Variants in ZNF469 observed in about 807,000 individuals in gnomAD.
ZNF469 encodes zinc finger protein 469.
In ZNF469, 1 loss-of-function variant was observed where a neutral mutation model predicts 1.0. That is an observed-to-expected ratio of 1.00 (90% confidence interval 0.35 to 4.73). The LOEUF (loss-of-function observed/expected upper bound fraction) is 4.73, where lower values mean the gene tolerates loss of function less well. ZNF469 is among the 30% of genes most tolerant of loss of function. ZNF469 has a pLI of 0.16. For missense variants in ZNF469, 6,100 were observed against 5,356.3 expected (o/e 1.14, Z -4.33); for synonymous variants, 2,703 against 2,363.4 (o/e 1.14, Z -4.17).
chr16:88,160,663 G>T, the ZNF469 span, among the ~76,000 whole-genome samples: 2 of 152,256 alleles, frequency 1.3e-5, no homozygotes, highest in Admixed American at 1.3e-4. Context: ...AAGGGGTTGG[G>T]GCACCACTGT....
Position 88,431,033 on chromosome 16 carries a change from G to A in ZNF469, c.3563G>A (p.Gly1188Asp). ...ACGGGAGCGGCCGCCAGGGAGGGAGGCCCCAAGTGTGCTGATCGCCCCTCA... is the reference window on the plus strand; with the variant it reads ...ACGGGAGCGGCCGCCAGGGAGGGAGACCCCAAGTGTGCTGATCGCCCCTCA... Reference protein sequence around the residue: ...LETGAAAREGGPKCADRPSVA... With the variant: ...LETGAAAREGDPKCADRPSVA... Residue 1188 changes from glycine (G) to aspartate (D), a missense_variant, in exon 3 of 3, where the codon GGC (glycine) becomes GAC (aspartate). Gly to Asp is a moderately conservative substitution (Grantham distance 94). Coordinates refer to ENST00000565624, the MANE Select transcript of ZNF469 (RefSeq NM_001367624.2). 6.5e-7 allele frequency: 1 copy of A among 1,546,454 alleles called. No individual in the cohort carries two copies. Among genetic ancestry groups the A allele is most frequent in the Non-Finnish European group, 8.7e-7 (1 of 1,146,680 alleles).
intron 1 of ZNF469, among the ~76,000 whole-genome samples, chr16:88,415,875 A>G (rs7198183): frequency 1.6e-4 from 24 of 152,330 alleles, no homozygotes; most frequent in African/African-American, 4.8e-4. Context: ...CGGTGCTCAT[A>G]GTGTCCTTCC....
the ZNF469 span, among the ~76,000 whole-genome samples, chr16:88,365,890 C>T: frequency 3.3e-5 from 5 of 152,196 alleles, no homozygotes; most frequent in African/African-American, 1.2e-4. Context: ...AGATTGAGTT[C>T]TGCCTCCTCA....
chr16:88,369,046 T>C, the ZNF469 span, among the ~76,000 whole-genome samples: 2 of 150,830 alleles, frequency 1.3e-5, no homozygotes, highest in African/African-American at 4.9e-5. Context: ...ACCACTGCAC[T>C]ACATTCTGGG....
chr16:88,111,718 C>G, the ZNF469 span, among the ~76,000 whole-genome samples: 3 of 152,170 alleles, frequency 2.0e-5, no homozygotes, highest in Non-Finnish European at 4.4e-5. Flanking sequence ...CTCACTGCAA[C>G]CTCCGACTCC....
the ZNF469 span, among the ~76,000 whole-genome samples, chr16:88,153,295 G>A: frequency 1.3e-5 from 2 of 152,296 alleles, no homozygotes; most frequent in Non-Finnish European, 2.9e-5. Flanking sequence ...GGTGGTGCTG[G>A]GCTCCACACT....
chr16:88,228,411 C>G, the ZNF469 span, among the ~76,000 whole-genome samples: 2 of 152,214 alleles, frequency 1.3e-5, no homozygotes, highest in African/African-American at 4.8e-5. Context: ...GCACCTGCCC[C>G]GCAGGACTAC....
the ZNF469 span, among the ~76,000 whole-genome samples, chr16:88,110,362 C>T: frequency 6.6e-6 from 1 of 152,274 alleles, no homozygotes; most frequent in East Asian, 1.9e-4. Context: ...TGCTCCCGCT[C>T]ACGCCGGACT....
At chr16:88,221,541 C>G in the ZNF469 span, among the ~76,000 whole-genome samples, 2 of 152,160 alleles carry the variant, frequency 1.3e-5, no homozygotes, top group African/African-American at 4.8e-5. Flanking sequence ...CAGACTGTGC[C>G]GGAGAAGGGG....
At chr16:88,226,977 G>A in the ZNF469 span, among the ~76,000 whole-genome samples, 32,219 of 96,618 alleles carry the variant, frequency 0.33, 8,048 homozygotes, top group East Asian at 0.57. Context: ...CCTCCTCCGC[G>A]CCGGGGCCTG....
the ZNF469 span, among the ~76,000 whole-genome samples, chr16:88,366,172 A>AT: frequency 8.6e-4 from 122 of 142,482 alleles, 22 homozygotes; most frequent in South Asian, 7.0e-4. Context: ...CATCATCACC[A>AT]CGATCATCAT....
chr16:88,405,355 C>T (rs954966879), intron 1 of ZNF469, among the ~76,000 whole-genome samples: 1 of 152,190 alleles, frequency 6.6e-6, no homozygotes, highest in African/African-American at 2.4e-5. Context: ...CGAGAATATC[C>T]AAGCTTCTGT....
upstream of ZNF469, among the ~76,000 whole-genome samples, chr16:88,380,143 TCA>T (rs34963271): frequency 7.8e-4 from 37 of 47,188 alleles, 1 homozygote; most frequent in African/African-American, 0.01. Flanking sequence ...AGACACACAC[TCA>T]CACACAAATG....
the ZNF469 span, among the ~76,000 whole-genome samples, chr16:88,216,873 TTTCCA>T: frequency 2.0e-5 from 3 of 152,112 alleles, no homozygotes; most frequent in Admixed American, 6.5e-5. Flanking sequence ...ATTAAACTGT[TTTCCA>T]GTTTACCAAG....
At chr16:88,425,520 G>A (rs1905662031) in intron 2 of ZNF469, among the ~76,000 whole-genome samples, 1 of 152,144 alleles carries the variant, frequency 6.6e-6, no homozygotes, top group South Asian at 2.1e-4. Flanking sequence ...AGCCCTCCCA[G>A]GAGGACCTCG....
chr16:88,142,232 G>A, the ZNF469 span, among the ~76,000 whole-genome samples: 1 of 152,226 alleles, frequency 6.6e-6, no homozygotes, highest in African/African-American at 2.4e-5. Flanking sequence ...ACCCGGCTGG[G>A]CGGGGGGTCT....
At position 88,428,217 on chromosome 16, in the gene ZNF469, G is replaced by A. The variant is rs763365403; in HGVS notation, c.747G>A (p.Gly249=). 3.2e-6 allele frequency: 5 copies of A among 1,550,292 alleles called. No homozygotes were observed. The South Asian group carries it at 5.9e-5, about 18-fold the overall frequency. The change falls in exon 3 of 3, where the codon GGG becomes GGA. Residue 249 remains glycine, a synonymous_variant. Transcript: ENST00000565624. ...ATAGCTTCCCAGGTGCTAATTTCGG[G>A]GTTCCCCCCGCCGAGCCGGAACCTA... ...AENSFPGANF[G]VPPAEPEPIP...
In ZNF469 at chr16:88,428,120, G is replaced by GCCCCC; in HGVS notation, c.651_655dup (p.Leu219ProfsTer129). 1 of 1,549,718 alleles carries GCCCCC rather than the reference G, an allele frequency of 6.5e-7. No homozygotes were observed. Among genetic ancestry groups the GCCCCC allele is most frequent in the Non-Finnish European group, 8.7e-7 (1 of 1,146,644 alleles). The stretch of plus-strand genomic sequence containing the variant: ...GGGCCCCCCCAGAGCAGGGGCACCA[G>GCCCCC]CCCCCTCCAGCCCGGTTCCTATCCC... On this transcript the variant is annotated frameshift_variant, in exon 3 of 3. Coordinates refer to ENST00000565624, the MANE Select transcript of ZNF469 (RefSeq NM_001367624.2). LOFTEE classifies it low-confidence loss of function (END_TRUNC).
chr16:88,194,093 C>A, the ZNF469 span, among the ~76,000 whole-genome samples: 1 of 152,198 alleles, frequency 6.6e-6, no homozygotes, highest in Non-Finnish European at 1.5e-5. Flanking sequence ...AAGCTCCCGC[C>A]CCTGGTTACT....
Sources: gnomAD v4.1 joint callset for allele counts (sites outside exome capture counted in the v4.1 genomes callset) on GRCh38, gnomAD v4.1.1 for gene constraint, MANE v1.5 for transcripts, NCBI Gene and HGNC (gene_info 2026-07-23, HGNC 2026-07-21) for gene names.